NEDD4: variants seen among roughly 807,000 people sequenced by gnomAD.
NEDD4 encodes the protein E3 ubiquitin-protein ligase NEDD4.
NEDD4 carries 99 observed loss-of-function variants against 144.9 expected under a neutral mutation model. The ratio of observed to expected loss-of-function variants is 0.68; its 90% CI spans 0.58 to 0.81. The LOEUF (loss-of-function observed/expected upper bound fraction) is 0.81. NEDD4 is among the 30% of genes least tolerant of loss of function. The pLI is 0.00. For missense variants in NEDD4, 985 were observed against 1,065.9 expected (o/e 0.92, Z 1.06); for synonymous variants, 318 against 350.6 (o/e 0.91, Z 1.04).
At chr15:55,832,859 G>C in intron 27 of NEDD4, 149 bp downstream of exon 27, 1 of 549,490 alleles carries the variant, frequency 1.8e-6, no homozygotes, top group Middle Eastern at 3.7e-4. Flanking sequence ...GCCTACTCCA[G>C]TGTCCCTAAT....
intron 1 of NEDD4, chr15:55,988,054 G>A (rs2037923243): frequency 6.6e-6 from 1 of 151,138 alleles, no homozygotes; most frequent in Non-Finnish European, 1.5e-5. Context: ...ATTCACAATA[G>A]CAAAGACTTG....
At chr15:55,954,012 C>T (rs553285091) in intron 2 of NEDD4, among the ~76,000 whole-genome samples, 1 of 152,346 alleles carries the variant, frequency 6.6e-6, no homozygotes, top group South Asian at 2.1e-4. Context: ...AGCATACCAC[C>T]TCCTTTTCTT....
intron 7 of NEDD4, among the ~76,000 whole-genome samples, chr15:55,870,520 CTTCTTCTTCTTT>C (rs1424817258): frequency 5.0e-5 from 4 of 79,824 alleles, no homozygotes; most frequent in Non-Finnish European, 7.5e-5. Context: ...TTTTCTTCTT[CTTCTTCTTCTTT>C]TTTTTTTTTT....
intron 2 of NEDD4, among the ~76,000 whole-genome samples, chr15:55,965,124 T>C (rs2037490966): frequency 6.6e-6 from 1 of 152,172 alleles, no homozygotes; most frequent in African/African-American, 2.4e-5. Context: ...AGGAATTCTG[T>C]TATAGCAACA....
chr15:55,986,079 CAGT>C (rs2037885622), intron 1 of NEDD4, among the ~76,000 whole-genome samples: 1 of 152,130 alleles, frequency 6.6e-6, no homozygotes, highest in South Asian at 2.1e-4. Flanking sequence ...TATTTAATGA[CAGT>C]AACTGATTAC....
chr15:55,885,870 C>G (rs1274485899), intron 5 of NEDD4, among the ~76,000 whole-genome samples: 3 of 151,378 alleles, frequency 2.0e-5, no homozygotes, highest in Non-Finnish European at 2.9e-5. Context: ...TGAATATAAA[C>G]AGACTAAACG....
chr15:55,955,884 C>G (rs752041093), intron 2 of NEDD4, among the ~76,000 whole-genome samples: 1 of 149,762 alleles, frequency 6.7e-6, no homozygotes, highest in Non-Finnish European at 1.5e-5. Context: ...GGCACAAACA[C>G]GGCTCACTGT....
intron 11 of NEDD4, among the ~76,000 whole-genome samples, chr15:55,857,940 A>C (rs2034260875): frequency 6.6e-6 from 1 of 152,138 alleles, no homozygotes; most frequent in Non-Finnish European, 1.5e-5. Flanking sequence ...ACCCTATCTC[A>C]AAAAAACAAA....
intron 4 of NEDD4, among the ~76,000 whole-genome samples, chr15:55,934,178 TA>T (rs1166232044): frequency 2.0e-5 from 3 of 152,184 alleles, no homozygotes; most frequent in Non-Finnish European, 4.4e-5. Context: ...AATGATAATT[TA>T]AAAAAATTAC....
At chr15:55,844,984 C>CTTTA (rs2033680708) in intron 18 of NEDD4, among the ~76,000 whole-genome samples, 3 of 151,858 alleles carry the variant, frequency 2.0e-5, no homozygotes, top group Admixed American at 2.0e-4. Flanking sequence ...TTTTAATATT[C>CTTTA]TTTATTTCTG....
At chr15:55,840,757 A>T in intron 19 of NEDD4, 30 bp from the exon 20 acceptor site, 4 of 1,587,734 alleles carry the variant, frequency 2.5e-6, no homozygotes, top group Non-Finnish European at 3.4e-6. Flanking sequence ...TAAATACTTC[A>T]TTTGAAAAAC....
At chr15:55,937,516 T>A (rs1210464831) in intron 4 of NEDD4, among the ~76,000 whole-genome samples, 2 of 152,168 alleles carry the variant, frequency 1.3e-5, no homozygotes, top group African/African-American at 4.8e-5. Flanking sequence ...TTGAAACAAA[T>A]GTGTAGCCTG....
chr15:55,909,609 C>T (rs1443620124), intron 5 of NEDD4, among the ~76,000 whole-genome samples: 1 of 152,172 alleles, frequency 6.6e-6, no homozygotes, highest in Non-Finnish European at 1.5e-5. Context: ...ATCGCCTGGC[C>T]TCACCCAGAG....
chr15:55,970,063 G>C (rs559227085), intron 1 of NEDD4, among the ~76,000 whole-genome samples: 1 of 151,796 alleles, frequency 6.6e-6, no homozygotes, highest in Non-Finnish European at 1.5e-5. Context: ...GGCCTGGCAG[G>C]ACTCACCATC....
At chr15:55,977,483 G>A (rs1361385452) in intron 1 of NEDD4, among the ~76,000 whole-genome samples, 1 of 151,896 alleles carries the variant, frequency 6.6e-6, no homozygotes, top group Non-Finnish European at 1.5e-5. Flanking sequence ...GTTAAGCAAT[G>A]CATGACTGTA....
rs566882248 is a variant in NEDD4, at chr15:55,904,708, G to A, written c.291+19938C>T. ...AAGAATGCAAAAAGTTGAGAAATAC[G>A]TTAAGGAAACCACATTTTCTACTTG... On this transcript the variant is annotated intron_variant, in intron 5 of 28. Transcript: ENST00000435532. Among the ~76,000 whole-genome samples the A allele has an allele frequency of 9.2e-5, 14 of 152,276 alleles. No homozygotes were observed. The East Asian group carries it at 2.3e-3, about 25-fold the overall frequency.
At chr15:55,837,741 A>G in intron 24 of NEDD4, 48 bp downstream of exon 24, 1 of 1,389,742 alleles carries the variant, frequency 7.2e-7, no homozygotes, top group Non-Finnish European at 1.0e-6. Flanking sequence ...TGAAACTTAT[A>G]GGTTATACTG....
rs547604124 is a variant in NEDD4, at chr15:55,991,056, C to T, written c.45+2455G>A. On this transcript the variant is annotated intron_variant, in intron 1 of 28. Coordinates refer to ENST00000435532, the MANE Select transcript of NEDD4 (RefSeq NM_006154.4). ...CTAATATGCTCAGACACTGACTCAG[C>T]GACTATTCACTATATACTGATTAAA... Among the ~76,000 whole-genome samples, 58 of 152,282 alleles carry T rather than the reference C, an allele frequency of 3.8e-4. 1 individual carries two copies. The highest frequency in any genetic ancestry group is 2.3e-3 in the South Asian group (11 of 4,826).
chr15:55,876,617 A>G (rs1261339307), intron 5 of NEDD4, among the ~76,000 whole-genome samples: 2 of 152,162 alleles, frequency 1.3e-5, no homozygotes, highest in Non-Finnish European at 2.9e-5. Flanking sequence ...AATATTGGAA[A>G]TATCTGACTA....
Sources: allele counts gnomAD v4.1 joint callset (sites outside exome capture counted in the v4.1 genomes callset), GRCh38; gene constraint gnomAD v4.1.1; transcripts MANE v1.5; gene names NCBI Gene and HGNC (gene_info 2026-07-23, HGNC 2026-07-21).